Variants in GABRE observed in about 807,000 individuals in gnomAD.
The protein encoded by GABRE is gamma-aminobutyric acid receptor subunit epsilon.
A neutral mutation model predicts 31.0 loss-of-function variants in GABRE; 20 were observed. That is an observed-to-expected ratio of 0.64 (90% CI 0.45 to 0.94). GABRE has a LOEUF of 0.94. GABRE is among the 40% of genes least tolerant of loss of function. The probability of loss-of-function intolerance (pLI) is 0.00; values close to 1 mark genes in which losing one functional copy is unlikely to be tolerated. For missense variants in GABRE, 420 were observed against 410.7 expected (o/e 1.02, Z -0.20); for synonymous variants, 155 against 150.6 (o/e 1.03, Z -0.21).
intron 6 of GABRE, chrX:151,959,010 G>A (rs1234587161): frequency 3.0e-6 from 1 of 328,956 alleles, no homozygotes; most frequent in Non-Finnish European, 5.9e-6. Flanking sequence ...CTGGTTGGGT[G>A]ACTGGCTCCA....
In GABRE at chrX:151,955,052, G is replaced by A. The variant is rs781053761; in HGVS notation, c.1170C>T (p.Thr390=). The change falls in exon 9 of 9, where the codon ACC becomes ACT. Residue 390 remains threonine (T), a synonymous_variant. Coordinates refer to ENST00000370328, the MANE Select transcript of GABRE (RefSeq NM_004961.4). Reference sequence around the variant, plus strand: ...GGGCACAGGCTCGGGAACGTGCACGGGTACGGGCATGGGCACGGCTATTGA... The same window carrying A: ...GGGCACAGGCTCGGGAACGTGCACGAGTACGGGCATGGGCACGGCTATTGA... ...PRINSRAHAR[T]RARSRACARQ... The A allele has an allele frequency of 5.0e-6, 6 of 1,200,895 alleles. No individual in the cohort carries two copies. The highest frequency in any genetic ancestry group is 1.8e-5 in the South Asian group (1 of 54,967).
intron 6 of GABRE, chrX:151,957,451 GTATTTA>G: frequency 3.0e-6 from 1 of 330,926 alleles, no homozygotes; most frequent in Non-Finnish European, 5.9e-6. Context: ...TGGCCAGAAT[GTATTTA>G]TCAAAAGTCC....
At chrX:151,968,653 G>A (rs185332165) in intron 3 of GABRE, among the ~76,000 whole-genome samples, 23 of 111,864 alleles carry the variant, frequency 2.1e-4, no homozygotes, top group Non-Finnish European at 4.1e-4. Context: ...TGGCTGTGAC[G>A]GAGTTGCTTA....
intron 1 of GABRE, among the ~76,000 whole-genome samples, chrX:151,973,837 G>A (rs1275002959): frequency 9.0e-6 from 1 of 111,449 alleles, no homozygotes; most frequent in African/African-American, 3.3e-5. Flanking sequence ...ACAGACTTCA[G>A]AGGAGAATAA....
Position 151,955,424 on chromosome X carries a change from G to C in GABRE, c.1081C>G (p.Leu361Val). The C allele has an allele frequency of 1.7e-6, 2 of 1,212,086 alleles. No homozygotes were observed. The highest frequency in any genetic ancestry group is 2.2e-6 in the Non-Finnish European group (2 of 895,582). The change falls in exon 8 of 9, where the codon CTC (leucine) becomes GTC (valine). Residue 361 changes from leucine (L) to valine (V), a missense_variant. Transcript: ENST00000370328. ...GTCTGGTTGTAGATCAGGAAGTTGA[G>C]CACAGCAAACTCCAACAGAGCGCAG... Reference protein sequence around the residue: ...CFCALLEFAVLNFLIYNQTKA... With the variant: ...CFCALLEFAVVNFLIYNQTKA...
Position 151,974,635 on chromosome X carries a change from G to GACCGGCGCGACC in GABRE, c.-22_-11dup. 2 of 1,159,290 alleles carry GACCGGCGCGACC rather than the reference G, an allele frequency of 1.7e-6. No individual in the cohort carries two copies. The highest frequency in any genetic ancestry group is 2.3e-6 in the Non-Finnish European group (2 of 863,183). ...GAACTTTGGACAACATTTCCGCGGA[G>GACCGGCGCGACC]ACCGGCGCGACCACCTGCGCGGAGG... On this transcript the variant is annotated 5_prime_UTR_variant, in exon 1 of 9. Transcript: ENST00000370328.
In GABRE at chrX:151,954,673, G is replaced by A. The variant is rs1414695956; in HGVS notation, c.*28C>T. On this transcript the variant is annotated 3_prime_UTR_variant, in exon 9 of 9. Coordinates refer to ENST00000370328, the MANE Select transcript of GABRE (RefSeq NM_004961.4). ...CTTGGACCTCCTGGGGAACTGGAGA[G>A]GTTGCCCCACAGGGTACCAGCTGGT... The A allele has an allele frequency of 9.0e-7, 1 of 1,116,276 alleles. No individual in the cohort carries two copies. Among genetic ancestry groups the A allele is most frequent in the Non-Finnish European group, 1.2e-6 (1 of 833,768 alleles). The allele number at this position is 1,116,276 out of a possible 1,213,427, so 92.0% of individuals were successfully genotyped here. A position where few individuals can be genotyped will look rare whatever the true frequency, so the allele number is the denominator to read the frequency against.
chrX:151,963,447 T>C (rs1463783876), intron 3 of GABRE, among the ~76,000 whole-genome samples: 3 of 112,742 alleles, frequency 2.7e-5, no homozygotes, highest in Non-Finnish European at 5.6e-5. Flanking sequence ...ACTTGGTCCA[T>C]AGCACTACTA....
chrX:151,966,954 A>G (rs1473039492), intron 3 of GABRE, among the ~76,000 whole-genome samples: 1 of 112,000 alleles, frequency 8.9e-6, no homozygotes, highest in Non-Finnish European at 1.9e-5. Context: ...CCATGGAGCA[A>G]GGAGAGACAG....
At position 151,962,520 on chromosome X, in the gene GABRE, A is replaced by C. The variant is rs376654696; in HGVS notation, c.466T>G (p.Phe156Val). The part of the protein sequence containing the change: ...VVSQLWIPDT[F>V]FRNSKRTHEH... ...TGGGTCCTCTTAGAATTCCTAAAAA[A>C]GGTGTCCGGGATCCATAGCTGGCTC... Residue 156 changes from phenylalanine (F) to valine (V), a missense_variant, in exon 4 of 9, where the codon TTT becomes GTT. Coordinates refer to ENST00000370328, the MANE Select transcript of GABRE (RefSeq NM_004961.4). 8.3e-7 allele frequency: 1 copy of C among 1,211,150 alleles called. No homozygotes were observed. The highest frequency in any genetic ancestry group is 3.0e-5 in the East Asian group (1 of 33,807).
chrX:151,958,491 C>T, intron 6 of GABRE: 5 of 330,785 alleles, frequency 1.5e-5, no homozygotes, highest in South Asian at 1.1e-4. Flanking sequence ...AGAAAGAAGA[C>T]CTCTTTTCTC....
At chrX:151,971,939 C>A in intron 1 of GABRE, 1 of 315,636 alleles carries the variant, frequency 3.2e-6, no homozygotes, top group Non-Finnish European at 4.1e-6. Context: ...TGCTGTATTT[C>A]CTGATCTAGG....
chrX:151,969,781 G>T, intron 2 of GABRE, 45 bp from the exon 3 acceptor site: 1 of 1,199,141 alleles, frequency 8.3e-7, no homozygotes, highest in Non-Finnish European at 1.1e-6. Context: ...TCAAACAGGC[G>T]CATGGGACGG....
chrX:151,965,159 T>TG (rs990511364), intron 3 of GABRE, among the ~76,000 whole-genome samples: 8 of 111,242 alleles, frequency 7.2e-5, no homozygotes, highest in African/African-American at 1.3e-4. Flanking sequence ...TCAGGGGAGC[T>TG]GGGGGGGAAA....
intron 5 of GABRE, 59 bp from the exon 6 acceptor site, chrX:151,960,035 C>T (rs1269468453): frequency 9.2e-7 from 1 of 1,085,601 alleles, no homozygotes; most frequent in African/African-American, 1.8e-5. Flanking sequence ...CTGAGGTCTC[C>T]AATAGCATGA....
At chrX:151,965,011 C>G (rs761177727) in intron 3 of GABRE, among the ~76,000 whole-genome samples, 18 of 111,389 alleles carry the variant, frequency 1.6e-4, no homozygotes, top group African/African-American at 5.9e-4. Flanking sequence ...ATTAGCCATG[C>G]ATGGTGGCAG....
chrX:151,961,706 T>C (rs1409074074), intron 4 of GABRE, among the ~76,000 whole-genome samples: 1 of 111,469 alleles, frequency 9.0e-6, no homozygotes, highest in African/African-American at 3.3e-5. Flanking sequence ...GTGATCTGCC[T>C]GCCTCAGCCT....
intron 5 of GABRE, 42 bp downstream of exon 5, chrX:151,961,241 C>A (rs1378081658): frequency 2.3e-6 from 2 of 886,026 alleles, no homozygotes; most frequent in Non-Finnish European, 3.3e-6. Context: ...AGAAGGAGCC[C>A]AGCATGTTTC....
chrX:151,964,526 T>A (rs888426270), intron 3 of GABRE, among the ~76,000 whole-genome samples: 1 of 111,635 alleles, frequency 9.0e-6, no homozygotes, highest in Non-Finnish European at 1.9e-5. Flanking sequence ...GGTGGCTTAA[T>A]TCCATGGGCT....
Sources: allele counts gnomAD v4.1 joint callset (sites outside exome capture counted in the v4.1 genomes callset), GRCh38; gene constraint gnomAD v4.1.1; transcripts MANE v1.5; gene names NCBI Gene and HGNC (gene_info 2026-07-23, HGNC 2026-07-21).